The following RBFOX1 variants were observed in gnomAD, a reference collection of about 807,000 sequenced individuals.
The protein encoded by RBFOX1 is RNA binding protein fox-1 homolog 1.
In RBFOX1, 8 loss-of-function variants were observed where a neutral mutation model predicts 57.7. That is an observed-to-expected ratio of 0.14 (90% CI 0.08 to 0.25). The LOEUF (loss-of-function observed/expected upper bound fraction) is 0.25, where lower values mean the gene tolerates loss of function less well. Among genes scored for constraint, RBFOX1 ranks in the 10% least tolerant of loss-of-function variants. The pLI, the probability that RBFOX1 is intolerant of heterozygous loss-of-function variation, is 1.00. For missense variants in RBFOX1, 611 were observed against 548.5 expected (o/e 1.11, Z -1.14); for synonymous variants, 326 against 222.4 (o/e 1.47, Z -4.15).
chr16:6,366,644 G>T (rs1600167405), intron 2 of RBFOX1, among the ~76,000 whole-genome samples: 1 of 152,162 alleles, frequency 6.6e-6, no homozygotes, highest in East Asian at 1.9e-4. Context: ...TTCTTCTGCA[G>T]GCACTTTACA....
intron 3 of RBFOX1, among the ~76,000 whole-genome samples, chr16:6,930,963 CT>C (rs1207824325): frequency 6.6e-6 from 1 of 152,002 alleles, no homozygotes; most frequent in Non-Finnish European, 1.5e-5. Flanking sequence ...TCCCACCCCC[CT>C]ACACACATAC....
intron 3 of RBFOX1, among the ~76,000 whole-genome samples, chr16:5,650,326 C>CGGTGGTGGT (rs532668887): frequency 4.2e-5 from 6 of 141,600 alleles, no homozygotes; most frequent in Admixed American, 1.4e-4. Flanking sequence ...GCAGCCACGG[C>CGGTGGTGGT]GGTGGTGGTG....
chr16:5,894,760 G>A (rs1014524597), intron 4 of RBFOX1, among the ~76,000 whole-genome samples: 3 of 152,170 alleles, frequency 2.0e-5, no homozygotes, highest in African/African-American at 7.2e-5. Flanking sequence ...GGTGGCTCAC[G>A]CCTGTAATCC....
chr16:6,946,771 T>C lies in RBFOX1; in HGVS notation c.-15-105286T>C, dbSNP rs113219738. Among the ~76,000 whole-genome samples, 676 of 152,138 alleles carry C rather than the reference T, an allele frequency of 4.4e-3. 10 individuals are homozygous for C. The highest frequency in any genetic ancestry group is 0.016 in the African/African-American group (646 of 41,482). ...ACTCACTCCACTCTGCCCAACTAAT[T>C]ATTTTTAAAATTTTTTGCAGAGACA... On this transcript the variant is annotated intron_variant, in intron 3 of 15. Coordinates refer to ENST00000550418, the MANE Select transcript of RBFOX1 (RefSeq NM_018723.4).
intron 1 of RBFOX1, among the ~76,000 whole-genome samples, chr16:5,439,410 G>C (rs909573334): frequency 1.3e-5 from 2 of 152,098 alleles, no homozygotes; most frequent in Non-Finnish European, 2.9e-5. Flanking sequence ...GGTAGAAAAC[G>C]CATCATGGGG....
chr16:6,015,237 C>G (rs1264057572), upstream of RBFOX1, among the ~76,000 whole-genome samples: 1 of 152,078 alleles, frequency 6.6e-6, no homozygotes. Flanking sequence ...TAATATATCA[C>G]TGATAATCTC....
At chr16:5,936,249 G>A (rs553615995) in intron 4 of RBFOX1, among the ~76,000 whole-genome samples, 1 of 152,188 alleles carries the variant, frequency 6.6e-6, no homozygotes, top group African/African-American at 2.4e-5. Context: ...TCAGCATCCT[G>A]AGTAGCTGGG....
chr16:6,083,353 A>T (rs1203140987), intron 1 of RBFOX1, among the ~76,000 whole-genome samples: 3 of 152,172 alleles, frequency 2.0e-5, no homozygotes, highest in Admixed American at 6.5e-5. Context: ...GTAGTCACAG[A>T]CATTTATGGA....
In RBFOX1 at chr16:6,445,561, CT is replaced by C. The variant is rs374322471; in HGVS notation, c.-64+128526del. 2.5e-3 allele frequency among the ~76,000 whole-genome samples: 287 copies of C among 114,864 alleles called. 1 individual carries two copies. The highest frequency in any genetic ancestry group is 4.6e-3 in the Admixed American group (47 of 10,166). 75.4% of individuals were successfully genotyped at this position (114,864 alleles called of 152,430 possible). A position where few individuals can be genotyped will look rare whatever the true frequency, so the allele number is the denominator to read the frequency against. On this transcript the variant is annotated intron_variant, in intron 2 of 15. Transcript: ENST00000550418. ...GCTTATTAACCTTGCCTCTGAACTC[CT>C]TTTTTTTTTTTTTTTTTTTTTGAGA...
At chr16:7,187,366 C>A (rs555287348) in intron 4 of RBFOX1, among the ~76,000 whole-genome samples, 2 of 152,012 alleles carry the variant, frequency 1.3e-5, no homozygotes, top group South Asian at 4.2e-4. Context: ...TGAAGTCTTA[C>A]AAAGAAGTAT....
At chr16:6,027,817 A>G (rs905041976) in intron 1 of RBFOX1, among the ~76,000 whole-genome samples, 1 of 152,166 alleles carries the variant, frequency 6.6e-6, no homozygotes, top group African/African-American at 2.4e-5. Flanking sequence ...GAGGTGACAA[A>G]TTGAGAGTGA....
chr16:7,677,079 T>C (rs758528278), intron 14 of RBFOX1, among the ~76,000 whole-genome samples: 30 of 150,462 alleles, frequency 2.0e-4, no homozygotes, highest in Non-Finnish European at 3.6e-4. Context: ...GGTCCTTGTG[T>C]AGTTTTTCAC....
chr16:5,646,336 A>G (rs918252599), intron 3 of RBFOX1, among the ~76,000 whole-genome samples: 7 of 151,790 alleles, frequency 4.6e-5, no homozygotes, highest in African/African-American at 1.5e-4. Flanking sequence ...ATAGGGTCTC[A>G]CTATGTTGCT....
At chr16:5,383,499 C>T (rs547125488) in intron 1 of RBFOX1, among the ~76,000 whole-genome samples, 3 of 152,190 alleles carry the variant, frequency 2.0e-5, no homozygotes, top group Non-Finnish European at 4.4e-5. Flanking sequence ...ATGCAAAACA[C>T]TAGTTGAATC....
intron 3 of RBFOX1, among the ~76,000 whole-genome samples, chr16:5,811,681 C>T (rs1043055975): frequency 6.6e-6 from 1 of 151,686 alleles, no homozygotes; most frequent in African/African-American, 2.4e-5. Flanking sequence ...CATCTCCTGA[C>T]TTCGTGGTCT....
chr16:7,379,749 C>G (rs1264933982), intron 4 of RBFOX1, among the ~76,000 whole-genome samples: 1 of 151,410 alleles, frequency 6.6e-6, no homozygotes, highest in East Asian at 1.9e-4. Context: ...TGCCTGCTTG[C>G]CTGCCTGCCT....
intron 4 of RBFOX1, among the ~76,000 whole-genome samples, chr16:7,068,751 C>G (rs1271553641): frequency 6.6e-6 from 1 of 152,088 alleles, no homozygotes; most frequent in Non-Finnish European, 1.5e-5. Context: ...CCACACCCAG[C>G]TAATTTTTTG....
At chr16:7,443,477 G>C (rs115025768) in intron 4 of RBFOX1, among the ~76,000 whole-genome samples, 148 of 148,100 alleles carry the variant, frequency 1.0e-3, no homozygotes, top group African/African-American at 3.5e-3. Flanking sequence ...TTTCAGTTCA[G>C]CGTTTGACTG....
chr16:6,523,911 A>G (rs76443890), intron 2 of RBFOX1, among the ~76,000 whole-genome samples: 2 of 152,192 alleles, frequency 1.3e-5, no homozygotes, highest in Non-Finnish European at 2.9e-5. Flanking sequence ...TATGGGATGC[A>G]TGAGACATTT....
Sources: gnomAD v4.1 joint callset for allele counts (sites outside exome capture counted in the v4.1 genomes callset) on GRCh38, gnomAD v4.1.1 for gene constraint, MANE v1.5 for transcripts, NCBI Gene and HGNC (gene_info 2026-07-23, HGNC 2026-07-21) for gene names.